Variants in TENM4 observed in about 807,000 individuals in gnomAD.
TENM4 encodes teneurin-4.
A neutral mutation model predicts 243.3 loss-of-function variants in TENM4; 82 were observed. That is an observed-to-expected ratio of 0.34 (90% CI 0.28 to 0.40). The LOEUF (loss-of-function observed/expected upper bound fraction) is 0.40. TENM4 is among the 10% of genes least tolerant of loss of function. The probability of loss-of-function intolerance (pLI) is 1.00; values close to 1 mark genes in which losing one functional copy is unlikely to be tolerated. For synonymous variants in TENM4, 1,412 were observed against 1,456.3 expected, an observed-to-expected ratio of 0.97 and a Z score of 0.69; for missense variants, 3,138 against 3,673.3, an observed-to-expected ratio of 0.85 and a Z score of 3.77.
At chr11:79,225,779 A>G (rs1451993186) in intron 2 of TENM4, among the ~76,000 whole-genome samples, 1 of 152,138 alleles carries the variant, frequency 6.6e-6, no homozygotes, top group Non-Finnish European at 1.5e-5. Flanking sequence ...CACCGTGCTC[A>G]GTCCTTTCTG....
intron 1 of TENM4, among the ~76,000 whole-genome samples, chr11:79,364,680 T>C (rs1240707465): frequency 6.6e-6 from 1 of 152,206 alleles, no homozygotes; most frequent in East Asian, 1.9e-4. Flanking sequence ...TTCATCCTAA[T>C]TTTACAACAA....
intron 2 of TENM4, among the ~76,000 whole-genome samples, chr11:79,288,092 A>G (rs1856289044): frequency 6.6e-6 from 1 of 152,242 alleles, no homozygotes; most frequent in Non-Finnish European, 1.5e-5. Context: ...GATGGTAGAT[A>G]TAGGCACAGG....
intron 3 of TENM4, among the ~76,000 whole-genome samples, chr11:79,149,305 T>C (rs954877989): frequency 2.0e-5 from 3 of 152,292 alleles, no homozygotes; most frequent in Non-Finnish European, 2.9e-5. Flanking sequence ...TATTTACTTA[T>C]ATTTGCTGTT....
intron 6 of TENM4, among the ~76,000 whole-genome samples, chr11:79,009,114 A>C (rs1591203934): frequency 6.6e-6 from 1 of 152,330 alleles, no homozygotes; most frequent in East Asian, 1.9e-4. Context: ...GCTGTCTGCC[A>C]TATTTGTTAC....
At chr11:79,007,246 G>A (rs762931352) in intron 6 of TENM4, among the ~76,000 whole-genome samples, 8 of 152,140 alleles carry the variant, frequency 5.3e-5, no homozygotes, top group Non-Finnish European at 1.2e-4. Flanking sequence ...CTTGACTGGA[G>A]TATGGAAATA....
At chr11:78,847,983 T>G (rs914322327) in intron 12 of TENM4, among the ~76,000 whole-genome samples, 3 of 152,060 alleles carry the variant, frequency 2.0e-5, no homozygotes, top group African/African-American at 7.3e-5. Context: ...CTTTGGAAAA[T>G]CATGAAGGAC....
intron 1 of TENM4, among the ~76,000 whole-genome samples, chr11:79,359,149 C>T (rs575368089): frequency 1.3e-5 from 2 of 152,062 alleles, no homozygotes; most frequent in South Asian, 2.1e-4. Context: ...ACCTGTAGTC[C>T]TAGCTACTTG....
At chr11:78,802,694 C>T (rs1046234504) in intron 15 of TENM4, among the ~76,000 whole-genome samples, 3 of 152,350 alleles carry the variant, frequency 2.0e-5, no homozygotes, top group South Asian at 2.1e-4. Flanking sequence ...GTCATCCCAA[C>T]CTCACAGGGC....
chr11:78,889,701 G>T (rs1336744714), intron 9 of TENM4, 84 bp downstream of exon 9: 2 of 1,402,154 alleles, frequency 1.4e-6, no homozygotes, highest in Non-Finnish European at 2.0e-6. Context: ...TGCTAGTAAG[G>T]AGCCTTCAGT....
chr11:78,778,505 G>A (rs1263947495), intron 17 of TENM4, 97 bp downstream of exon 17: 1 of 1,268,272 alleles, frequency 7.9e-7, no homozygotes, highest in Non-Finnish European at 1.1e-6. Flanking sequence ...ATGCTTATGT[G>A]GTGTATATAC....
intron 4 of TENM4, among the ~76,000 whole-genome samples, chr11:79,080,858 C>A (rs1312490700): frequency 6.6e-6 from 1 of 152,204 alleles, no homozygotes; most frequent in Non-Finnish European, 1.5e-5. Flanking sequence ...ATTGCCAATT[C>A]TCTGTAAAAA....
At chr11:78,865,527 T>C (rs1214857381) in intron 9 of TENM4, among the ~76,000 whole-genome samples, 2 of 152,142 alleles carry the variant, frequency 1.3e-5, no homozygotes, top group Non-Finnish European at 2.9e-5. Context: ...CAGGATCCTG[T>C]GAGCTAGAGA....
chr11:78,780,539 G>C (rs1185948244), intron 16 of TENM4, among the ~76,000 whole-genome samples: 3 of 151,988 alleles, frequency 2.0e-5, no homozygotes, highest in East Asian at 3.9e-4. Flanking sequence ...GCCATCACTG[G>C]GATCCAAGTG....
intron 19 of TENM4, among the ~76,000 whole-genome samples, chr11:78,747,836 A>G (rs1276914389): frequency 1.3e-5 from 2 of 152,228 alleles, no homozygotes; most frequent in Admixed American, 6.5e-5. Context: ...TCAGTGTTGG[A>G]TAAAAATGCA....
chr11:79,038,914 T>C (rs182081214), intron 6 of TENM4, among the ~76,000 whole-genome samples: 1 of 152,274 alleles, frequency 6.6e-6, no homozygotes, highest in Non-Finnish European at 1.5e-5. Context: ...AAAAGTAAGG[T>C]TTGAAACTTC....
At chr11:79,328,222 A>G (rs1857005155) in intron 1 of TENM4, among the ~76,000 whole-genome samples, 1 of 152,180 alleles carries the variant, frequency 6.6e-6, no homozygotes, top group Non-Finnish European at 1.5e-5. Flanking sequence ...CTTGGATGTG[A>G]TGGTTCTCAT....
intron 4 of TENM4, among the ~76,000 whole-genome samples, chr11:79,121,620 G>A (rs557508560): frequency 1.3e-5 from 2 of 152,306 alleles, no homozygotes; most frequent in South Asian, 2.1e-4. Flanking sequence ...AGGAATGAGG[G>A]CCCTGTTCCT....
intron 1 of TENM4, among the ~76,000 whole-genome samples, chr11:79,389,488 G>A (rs1565326359): frequency 6.6e-6 from 1 of 152,166 alleles, no homozygotes; most frequent in Non-Finnish European, 1.5e-5. Flanking sequence ...CCTAGGCCCC[G>A]AGTCCCATCA....
intron 18 of TENM4, among the ~76,000 whole-genome samples, chr11:78,766,980 CTT>C (rs1194599555): frequency 6.6e-6 from 1 of 152,042 alleles, no homozygotes; most frequent in Non-Finnish European, 1.5e-5. Flanking sequence ...TAGCTTTTTT[CTT>C]TTTGTCTCAT....
Sources: gnomAD v4.1 joint callset for allele counts (sites outside exome capture counted in the v4.1 genomes callset) on GRCh38, gnomAD v4.1.1 for gene constraint, MANE v1.5 for transcripts, NCBI Gene and HGNC (gene_info 2026-07-23, HGNC 2026-07-21) for gene names.